Variants in LRP1B observed in about 807,000 individuals in gnomAD.
LRP1B encodes low-density lipoprotein receptor-related protein 1B.
A neutral mutation model predicts 556.6 loss-of-function variants in LRP1B; 217 were observed. That is an observed-to-expected ratio of 0.39 (90% confidence interval 0.35 to 0.44). The LOEUF (loss-of-function observed/expected upper bound fraction) is 0.44, where lower values mean the gene tolerates loss of function less well. Among genes scored for constraint, LRP1B ranks in the 20% least tolerant of loss-of-function variants. The pLI, the probability that LRP1B is intolerant of heterozygous loss-of-function variation, is 1.00. For synonymous variants in LRP1B, 2,047 were observed against 1,865.8 expected (o/e 1.10, Z -2.50); for missense variants, 5,053 against 5,620.8 (o/e 0.90, Z 3.23).
intron 3 of LRP1B, among the ~76,000 whole-genome samples, chr2:141,397,804 C>A (rs950943109): frequency 6.7e-6 from 1 of 150,280 alleles, no homozygotes; most frequent in Non-Finnish European, 1.5e-5. Flanking sequence ...TTTTTATATA[C>A]AATTATATAT....
intron 21 of LRP1B, among the ~76,000 whole-genome samples, chr2:140,919,397 C>T (rs1694673385): frequency 6.6e-6 from 1 of 152,064 alleles, no homozygotes; most frequent in South Asian, 2.1e-4. Flanking sequence ...AATTGCAGTG[C>T]CTGTGTCCTC....
chr2:141,081,813 T>C (rs1699929669), intron 7 of LRP1B, among the ~76,000 whole-genome samples: 1 of 152,180 alleles, frequency 6.6e-6, no homozygotes, highest in African/African-American at 2.4e-5. Flanking sequence ...GTACTGATGA[T>C]AAAAGCTGAG....
At chr2:140,725,663 A>G (rs534944468) in intron 35 of LRP1B, among the ~76,000 whole-genome samples, 1 of 152,000 alleles carries the variant, frequency 6.6e-6, no homozygotes, top group South Asian at 2.1e-4. Context: ...GTGCACATGT[A>G]CCCTAGAACT....
chr2:142,077,895 T>C (rs1705567905), intron 1 of LRP1B, among the ~76,000 whole-genome samples: 1 of 152,128 alleles, frequency 6.6e-6, no homozygotes, highest in African/African-American at 2.4e-5. Flanking sequence ...CCAAAGCCCC[T>C]TTACAGAACC....
rs1324722970 is a variant in LRP1B at position 140,354,865 on chromosome 2, G to T, written c.11530+1477C>A. On this transcript the variant is annotated intron_variant, in intron 75 of 90. Coordinates refer to ENST00000389484, the MANE Select transcript of LRP1B (RefSeq NM_018557.3). ...TTAGATATTCTAATTGAAGTGTTTG[G>T]GCTTTAACATCAAATAGCAATTTCT... 2.0e-5 allele frequency among the ~76,000 whole-genome samples: 3 copies of T among 151,638 alleles called. No individual in the cohort carries two copies. In the East Asian group the frequency reaches 5.8e-4, roughly 29 times the overall value.
chr2:141,696,682 T>C (rs542056576), intron 2 of LRP1B, among the ~76,000 whole-genome samples: 2 of 152,054 alleles, frequency 1.3e-5, no homozygotes, highest in South Asian at 4.1e-4. Context: ...TCCCACATAA[T>C]TTCTCAGCAG....
chr2:141,617,142 G>T (rs1217602794), intron 2 of LRP1B, among the ~76,000 whole-genome samples: 1 of 152,112 alleles, frequency 6.6e-6, no homozygotes, highest in Non-Finnish European at 1.5e-5. Flanking sequence ...ACATTCGGGT[G>T]TCTGCCTTCC....
At chr2:142,001,894 G>A (rs563086243) in intron 1 of LRP1B, among the ~76,000 whole-genome samples, 52 of 152,084 alleles carry the variant, frequency 3.4e-4, no homozygotes, top group South Asian at 2.9e-3. Context: ...TTTTCAAAGC[G>A]GCATGCTCTA....
chr2:140,415,383 TG>T (rs1446746872), intron 66 of LRP1B, among the ~76,000 whole-genome samples: 2 of 152,204 alleles, frequency 1.3e-5, no homozygotes, highest in South Asian at 2.1e-4. Flanking sequence ...ATGTGATCTT[TG>T]TACCTACTCC....
At chr2:141,337,121 G>C (rs1377899057) in intron 3 of LRP1B, among the ~76,000 whole-genome samples, 1 of 152,248 alleles carries the variant, frequency 6.6e-6, no homozygotes, top group African/African-American at 2.4e-5. Flanking sequence ...CTGCCAAACT[G>C]TTTTCCAGAG....
At chr2:141,854,340 G>C (rs552848462) in intron 1 of LRP1B, among the ~76,000 whole-genome samples, 393 of 152,006 alleles carry the variant, frequency 2.6e-3, no homozygotes, top group Non-Finnish European at 4.0e-3. Flanking sequence ...ACAAAAGCAA[G>C]GGGGGAAAAA....
chr2:142,008,969 G>A (rs966444103), intron 1 of LRP1B, among the ~76,000 whole-genome samples: 5 of 152,092 alleles, frequency 3.3e-5, no homozygotes, highest in Non-Finnish European at 7.4e-5. Context: ...AACCCTGTTA[G>A]GTTGCTGAAG....
chr2:142,061,580 T>C (rs755982035), intron 1 of LRP1B, among the ~76,000 whole-genome samples: 2 of 152,012 alleles, frequency 1.3e-5, no homozygotes, highest in Non-Finnish European at 2.9e-5. Context: ...AACTAATTCA[T>C]GAGAAACATT....
intron 2 of LRP1B, among the ~76,000 whole-genome samples, chr2:141,744,862 C>T (rs1693855178): frequency 6.6e-6 from 1 of 152,146 alleles, no homozygotes; most frequent in Admixed American, 6.5e-5. Context: ...TATTCAAAAG[C>T]ACTTGGGTAT....
intron 31 of LRP1B, among the ~76,000 whole-genome samples, chr2:140,834,699 A>G (rs1163561961): frequency 1.3e-5 from 2 of 152,188 alleles, no homozygotes; most frequent in African/African-American, 2.4e-5. Flanking sequence ...CCAACAGAGG[A>G]AAGAAGATGA....
chr2:140,801,455 AGAG>A (rs1690508399), intron 32 of LRP1B, among the ~76,000 whole-genome samples: 2 of 152,320 alleles, frequency 1.3e-5, no homozygotes, highest in East Asian at 1.9e-4. Context: ...AAGTAGGGAT[AGAG>A]GAGAACAAAA....
chr2:140,756,911 A>G (rs548033727), intron 35 of LRP1B, among the ~76,000 whole-genome samples: 5 of 152,314 alleles, frequency 3.3e-5, no homozygotes, highest in East Asian at 1.9e-4. Context: ...TTTGCAAATT[A>G]TCTTACAAGG....
chr2:140,910,550 A>C (rs1235802331), intron 21 of LRP1B, among the ~76,000 whole-genome samples: 1 of 151,882 alleles, frequency 6.6e-6, no homozygotes, highest in East Asian at 1.9e-4. Flanking sequence ...AGAAAAAAAC[A>C]TTTAATCATA....
intron 18 of LRP1B, among the ~76,000 whole-genome samples, chr2:140,971,886 G>A (rs1466024583): frequency 6.6e-6 from 1 of 152,156 alleles, no homozygotes; most frequent in African/African-American, 2.4e-5. Flanking sequence ...CAGATTCCTG[G>A]ACTCCATCCA....
Sources: gnomAD v4.1 joint callset for allele counts (sites outside exome capture counted in the v4.1 genomes callset) on GRCh38, gnomAD v4.1.1 for gene constraint, MANE v1.5 for transcripts, NCBI Gene and HGNC (gene_info 2026-07-23, HGNC 2026-07-21) for gene names.